KCNH8: variants seen among roughly 807,000 people sequenced by gnomAD.
The protein encoded by KCNH8 is potassium voltage-gated channel subfamily H member 8.
In KCNH8, 70 loss-of-function variants were observed where a neutral mutation model predicts 103.6. The ratio of observed to expected loss-of-function variants is 0.68; its 90% CI spans 0.56 to 0.82. KCNH8 has a LOEUF of 0.82. KCNH8 is among the 40% of genes least tolerant of loss of function. The pLI, the probability that KCNH8 is intolerant of heterozygous loss-of-function variation, is 0.00. For missense variants in KCNH8, 1,217 were observed against 1,329.9 expected, an observed-to-expected ratio of 0.92 and a Z score of 1.32; for synonymous variants, 498 against 489.4, an observed-to-expected ratio of 1.02 and a Z score of -0.23.
intron 3 of KCNH8, among the ~76,000 whole-genome samples, chr3:19,294,347 AT>A (rs1383260277): frequency 6.6e-6 from 1 of 152,226 alleles, no homozygotes; most frequent in Non-Finnish European, 1.5e-5. Context: ...AACGTGGAAC[AT>A]TGTAGTAATG....
At chr3:19,302,023 G>A (rs998241151) in intron 3 of KCNH8, among the ~76,000 whole-genome samples, 1 of 152,094 alleles carries the variant, frequency 6.6e-6, no homozygotes, top group Non-Finnish European at 1.5e-5. Flanking sequence ...CAACCCAGAA[G>A]GTCTCCAAAC....
At chr3:19,150,167 C>T (rs995575064) in intron 1 of KCNH8, among the ~76,000 whole-genome samples, 10 of 151,914 alleles carry the variant, frequency 6.6e-5, no homozygotes, top group Non-Finnish European at 1.2e-4. Flanking sequence ...AATGTTATTA[C>T]GTATGTCTTT....
At chr3:19,289,181 G>C (rs1325191403) in intron 3 of KCNH8, among the ~76,000 whole-genome samples, 1 of 151,884 alleles carries the variant, frequency 6.6e-6, no homozygotes, top group Non-Finnish European at 1.5e-5. Context: ...TAGGTTGCCT[G>C]TTCACTCTGA....
intron 1 of KCNH8, among the ~76,000 whole-genome samples, chr3:19,234,130 T>C (rs2064029690): frequency 6.6e-6 from 1 of 152,214 alleles, no homozygotes. Flanking sequence ...TGGTCTGTTT[T>C]GACAGGGCGC....
rs1451266656 is a variant in KCNH8 at position 19,533,622 on chromosome 3, T to G, written c.2847T>G (p.Leu949=). 6.2e-6 allele frequency: 10 copies of G among 1,614,150 alleles called. No individual in the cohort carries two copies. Among genetic ancestry groups the G allele is most frequent in the Non-Finnish European group, 7.6e-6 (9 of 1,180,024 alleles). The change falls in exon 16 of 16, where the codon CTT becomes CTG. Residue 949 remains leucine (L), a synonymous_variant. Coordinates refer to ENST00000328405, the MANE Select transcript of KCNH8 (RefSeq NM_144633.3). The stretch of plus-strand genomic sequence containing the variant: ...GGGCTGCTTATACCCAAGCACAACT[T>G]TGTAGCAGTAATATCACCTCAGACA... ...TGGAAYTQAQ[L]CSSNITSDIW...
intron 3 of KCNH8, among the ~76,000 whole-genome samples, chr3:19,304,280 C>T (rs1007215347): frequency 2.0e-5 from 3 of 152,156 alleles, no homozygotes; most frequent in African/African-American, 7.2e-5. Context: ...CACATGTGCT[C>T]AGACTTTCTA....
intron 11 of KCNH8, among the ~76,000 whole-genome samples, chr3:19,486,296 A>G (rs538403252): frequency 3.3e-5 from 5 of 152,230 alleles, no homozygotes; most frequent in South Asian, 2.1e-4. Context: ...ACAGACTTCA[A>G]TTGTTATCTG....
At chr3:19,271,808 A>C (rs2064592299) in intron 2 of KCNH8, among the ~76,000 whole-genome samples, 1 of 152,098 alleles carries the variant, frequency 6.6e-6, no homozygotes, top group Non-Finnish European at 1.5e-5. Flanking sequence ...GAATCCAGGG[A>C]CTTGACCACA....
chr3:19,425,985 A>G (rs777592222), intron 7 of KCNH8, among the ~76,000 whole-genome samples: 6 of 152,186 alleles, frequency 3.9e-5, no homozygotes, highest in Admixed American at 6.5e-5. Flanking sequence ...ACAGAGGCAG[A>G]TTTGGACTCA....
At chr3:19,161,685 T>TAATTTTATGGTGACAAAGCAATTGTA (rs1246324416) in intron 1 of KCNH8, among the ~76,000 whole-genome samples, 8 of 152,210 alleles carry the variant, frequency 5.3e-5, no homozygotes, top group Non-Finnish European at 1.2e-4. Context: ...ATAAAGGTAT[T>TAATTTTATGGTGACAAAGCAATTGTA]AATTTTATGG....
At chr3:19,334,302 A>G (rs927758714) in intron 3 of KCNH8, among the ~76,000 whole-genome samples, 1 of 152,114 alleles carries the variant, frequency 6.6e-6, no homozygotes, top group African/African-American at 2.4e-5. Flanking sequence ...AACATGCGCT[A>G]CAACTCAGCA....
At chr3:19,498,332 C>CT (rs2125230375) in intron 11 of KCNH8, among the ~76,000 whole-genome samples, 1 of 152,200 alleles carries the variant, frequency 6.6e-6, no homozygotes, top group Admixed American at 6.5e-5. Context: ...TATAGTGTCA[C>CT]TGGTCTGTGT....
At chr3:19,525,690 G>A (rs1168947547) in intron 15 of KCNH8, among the ~76,000 whole-genome samples, 2 of 151,922 alleles carry the variant, frequency 1.3e-5, no homozygotes, top group Non-Finnish European at 2.9e-5. Context: ...GGTAATGCTA[G>A]ACTTGTAATT....
chr3:19,258,947 C>CTCTCTCTATATATATATA (rs1321918245), intron 2 of KCNH8, among the ~76,000 whole-genome samples: 10 of 24,796 alleles, frequency 4.0e-4, no homozygotes, highest in East Asian at 1.0e-3. Context: ...CTCTCTCTCT[C>CTCTCTCTATATATATATA]TATATATATA....
intron 7 of KCNH8, among the ~76,000 whole-genome samples, chr3:19,428,374 T>C (rs2067060305): frequency 1.3e-5 from 2 of 152,196 alleles, no homozygotes; most frequent in East Asian, 1.9e-4. Flanking sequence ...CATTTGTAAA[T>C]AAGAATGTTG....
chr3:19,369,604 A>G lies in KCNH8; in HGVS notation c.812-20877A>G, dbSNP rs369126828. Among the ~76,000 whole-genome samples the G allele has an allele frequency of 7.9e-5, 12 of 152,156 alleles. No individual in the cohort carries two copies. The South Asian group carries it at 1.7e-3, about 21-fold the overall frequency. ...AAGTGAATTCAGCTATCTATAGGAT[A>G]TCATTCCAATGAAACATAGCTACTT... is the stretch of plus-strand genomic sequence containing the variant. On this transcript the variant is annotated intron_variant, in intron 5 of 15. Transcript: ENST00000328405.
chr3:19,164,908 T>C (rs1177464659), intron 1 of KCNH8, among the ~76,000 whole-genome samples: 2 of 152,054 alleles, frequency 1.3e-5, no homozygotes, highest in Non-Finnish European at 2.9e-5. Flanking sequence ...CTTGTTAATA[T>C]TATAATATAT....
At chr3:19,228,413 C>T (rs758560321) in intron 1 of KCNH8, among the ~76,000 whole-genome samples, 1 of 152,060 alleles carries the variant, frequency 6.6e-6, no homozygotes, top group African/African-American at 2.4e-5. Flanking sequence ...CAAGCTCGTG[C>T]CAGGCTTATA....
chr3:19,395,947 G>C (rs909379386), intron 7 of KCNH8, among the ~76,000 whole-genome samples: 3 of 151,862 alleles, frequency 2.0e-5, no homozygotes, highest in African/African-American at 7.3e-5. Context: ...TAAATGAATC[G>C]GAAACACTAT....
Sources: allele counts gnomAD v4.1 joint callset (sites outside exome capture counted in the v4.1 genomes callset), GRCh38; gene constraint gnomAD v4.1.1; transcripts MANE v1.5; gene names NCBI Gene and HGNC (gene_info 2026-07-23, HGNC 2026-07-21).